The following DNAJB4 variants were observed in gnomAD, a reference collection of about 807,000 sequenced individuals.
DNAJB4 encodes dnaJ homolog subfamily B member 4.
A neutral mutation model predicts 26.6 loss-of-function variants in DNAJB4; 10 were observed. That is an observed-to-expected ratio of 0.38 (90% CI 0.23 to 0.64). The LOEUF is 0.64. DNAJB4 is among the 30% of genes least tolerant of loss of function. The pLI is 0.58. For missense variants in DNAJB4, 328 were observed against 408.2 expected (o/e 0.80, Z 1.69); for synonymous variants, 136 against 134.8 (o/e 1.01, Z -0.06).
chr1:77,984,401 C>T (rs899518441), intron 1 of DNAJB4, among the ~76,000 whole-genome samples: 1 of 152,264 alleles, frequency 6.6e-6, no homozygotes, highest in East Asian at 1.9e-4. Context: ...GCTTTTTAGC[C>T]GTACGTGGAC....
At chr1:78,012,696 C>T (rs939883521) in intron 1 of DNAJB4, among the ~76,000 whole-genome samples, 1 of 152,074 alleles carries the variant, frequency 6.6e-6, no homozygotes, top group African/African-American at 2.4e-5. Context: ...GTAATCCCAG[C>T]TACTCGGGAG....
At position 78,005,364 on chromosome 1, in the gene DNAJB4, T is replaced by C. The variant is rs768768015; in HGVS notation, c.211+43T>C. 2.2e-6 allele frequency: 3 copies of C among 1,360,062 alleles called. No homozygotes were observed. The Admixed American group carries it at 9.6e-5, about 44-fold the overall frequency. The allele number at this position is 1,360,062 out of a possible 1,614,324, so 84.2% of individuals were successfully genotyped here. A position where few individuals can be genotyped will look rare whatever the true frequency, so the allele number is the denominator to read the frequency against. ...ATCTTTCTGTCTCTTCAGCTCTGTC[T>C]CTTTTTTTTTTTTCTCTCTCTCTGC... On this transcript the variant is annotated intron_variant, in intron 1 of 2. Transcript: ENST00000370763.
chr1:78,013,512 A>C lies in DNAJB4; in HGVS notation c.673A>C (p.Asn225His). The change falls in exon 2 of 3, where the codon AAT becomes CAT. Residue 225 changes from asparagine (N) to histidine (H), a missense_variant. Coordinates refer to ENST00000370763, the MANE Select transcript of DNAJB4 (RefSeq NM_007034.5). ...TFPREGDETP[N>H]SIPADIVFII... The stretch of plus-strand genomic sequence containing the variant: ...TCCAAGAGAAGGAGATGAAACACCA[A>C]ATAGTATTCCAGCAGACATTGTTTT... 6.2e-7 allele frequency: 1 copy of C among 1,614,034 alleles called. No homozygotes were observed. The highest frequency in any genetic ancestry group is 1.3e-5 in the African/African-American group (1 of 75,064).
rs183954836 is a variant in DNAJB4 at position 77,995,454 on chromosome 1, A to G, written c.-31-9626A>G. Among the ~76,000 whole-genome samples the G allele has an allele frequency of 7.9e-5, 12 of 152,244 alleles. No individual in the cohort carries two copies. In the East Asian group the frequency reaches 2.3e-3, roughly 29 times the overall value. On this transcript the variant is annotated intron_variant, in intron 1 of 2. Coordinates refer to the DNAJB4 transcript ENST00000426517. ...CTTTTTAAAATTTTTTGGCTAATACAGTGTTTTTGGTTTTGAGACAGTCTT... is the reference window on the plus strand; with the variant it reads ...CTTTTTAAAATTTTTTGGCTAATACGGTGTTTTTGGTTTTGAGACAGTCTT...
chr1:77,980,611 T>C (rs1445378760), intron 1 of DNAJB4, among the ~76,000 whole-genome samples: 1 of 152,170 alleles, frequency 6.6e-6, no homozygotes, highest in East Asian at 1.9e-4. Context: ...TTCTCGACTT[T>C]GTGGCATTTT....
chr1:77,988,510 A>G (rs562923199), intron 1 of DNAJB4, among the ~76,000 whole-genome samples: 26 of 152,124 alleles, frequency 1.7e-4, no homozygotes, highest in Admixed American at 7.9e-4. Context: ...CAACCCCTTC[A>G]CCATCTCTAT....
intron 1 of DNAJB4, among the ~76,000 whole-genome samples, chr1:77,996,670 C>T (rs1442705142): frequency 6.6e-6 from 1 of 151,980 alleles, no homozygotes; most frequent in African/African-American, 2.4e-5. Context: ...TAAAACCAAG[C>T]CATGACACAG....
chr1:78,006,491 T>C (rs974225960), intron 1 of DNAJB4, among the ~76,000 whole-genome samples: 1 of 152,198 alleles, frequency 6.6e-6, no homozygotes, highest in Admixed American at 6.5e-5. Context: ...AAATATATCC[T>C]TAAAATATAG....
chr1:78,013,259 T>G lies in DNAJB4; in HGVS notation c.420T>G (p.Asn140Lys). 1 of 1,614,168 alleles carries G rather than the reference T, an allele frequency of 6.2e-7. No individual in the cohort carries two copies. The highest frequency in any genetic ancestry group is 1.1e-5 in the South Asian group (1 of 91,070). ...DPFSAFGFSM[N>K]GYPRDRNSVG... ...TTAGTGCCTTTGGTTTCAGCATGAA[T>G]GGATATCCAAGAGACAGGAATTCTG... Residue 140 changes from asparagine to lysine, a missense_variant, in exon 2 of 3, where the codon AAT becomes AAG. Physicochemically the swap from Asn to Lys is moderately conservative, Grantham distance 94. Transcript: ENST00000370763.
intron 1 of DNAJB4, among the ~76,000 whole-genome samples, chr1:77,982,436 C>T (rs1468016296): frequency 1.3e-5 from 2 of 152,264 alleles, no homozygotes; most frequent in East Asian, 3.9e-4. Context: ...TAAAAATAGT[C>T]TTTTCTCATG....
intron 1 of DNAJB4, 34 bp from the exon 2 acceptor site, chr1:78,013,017 G>C (rs377483642): frequency 1.2e-4 from 180 of 1,515,560 alleles, no homozygotes; most frequent in Non-Finnish European, 1.3e-4. Flanking sequence ...AGAGTTGCAA[G>C]CTTTTTTCTA....
At chr1:78,007,922 T>G (rs754476170) in intron 1 of DNAJB4, among the ~76,000 whole-genome samples, 1 of 152,154 alleles carries the variant, frequency 6.6e-6, no homozygotes, top group Non-Finnish European at 1.5e-5. Flanking sequence ...GCTGGGATGG[T>G]GGGAATAAGG....
chr1:78,015,706 C>A (rs111261181), intron 2 of DNAJB4, among the ~76,000 whole-genome samples: 6,800 of 151,786 alleles, frequency 0.045, 222 homozygotes, highest in Non-Finnish European at 0.06. Flanking sequence ...TGTGCCACCA[C>A]GCTCGCCTAA....
Position 78,013,314 on chromosome 1 carries a change from C to T in DNAJB4, c.475C>T (p.Pro159Ser). 3 of 1,614,062 alleles carry T rather than the reference C, an allele frequency of 1.9e-6. No individual in the cohort carries two copies. The highest frequency in any genetic ancestry group is 1.3e-5 in the African/African-American group (1 of 75,002). ...VGPSRLKQDP[P>S]VIHELRVSLE... Reference sequence around the variant, plus strand: ...GCCATCCCGCCTCAAACAAGATCCTCCAGTTATTCATGAACTTAGAGTATC... The same window carrying T: ...GCCATCCCGCCTCAAACAAGATCCTTCAGTTATTCATGAACTTAGAGTATC... The change falls in exon 2 of 3, where the codon CCA becomes TCA. Residue 159 changes from proline (P) to serine (S), a missense_variant. Transcript: ENST00000370763.
At position 78,005,245 on chromosome 1, in the gene DNAJB4, T is replaced by C; in HGVS notation, c.135T>C (p.Phe45=). ...KNKSPQAEEK[F]KEVAEAYEVL... Reference sequence around the variant, plus strand: ...AATCTCCTCAGGCAGAGGAAAAATTTAAAGAGGTCGCAGAAGCTTATGAAG... The same window carrying C: ...AATCTCCTCAGGCAGAGGAAAAATTCAAAGAGGTCGCAGAAGCTTATGAAG... The change falls in exon 1 of 3, where the codon TTT becomes TTC. Residue 45 remains phenylalanine (F), a synonymous_variant. Transcript: ENST00000370763. The C allele has an allele frequency of 6.2e-7, 1 of 1,613,972 alleles. No individual in the cohort carries two copies. Among genetic ancestry groups the C allele is most frequent in the East Asian group, 2.2e-5 (1 of 44,874 alleles).
rs1258041865 is a variant in DNAJB4, at chr1:78,011,178, T to A, written c.212-1873T>A. Among the ~76,000 whole-genome samples the A allele has an allele frequency of 2.6e-5, 4 of 152,166 alleles. No individual in the cohort carries two copies. In the South Asian group the frequency reaches 8.3e-4, roughly 32 times the overall value. On this transcript the variant is annotated intron_variant, in intron 1 of 2. Coordinates refer to ENST00000370763, the MANE Select transcript of DNAJB4 (RefSeq NM_007034.5). ...AAAATGTTGTTTCAAATATAATCTT[T>A]TGTGGGTTAAATATTACTTAGTGGA...
At chr1:77,992,281 C>T (rs1196082489) in intron 1 of DNAJB4, among the ~76,000 whole-genome samples, 2 of 150,276 alleles carry the variant, frequency 1.3e-5, no homozygotes, top group East Asian at 1.9e-4. Flanking sequence ...GGCGTAGTGG[C>T]GGGCACCTGT....
intron 1 of DNAJB4, chr1:77,992,756 T>G (rs1659965264): frequency 6.6e-6 from 1 of 151,652 alleles, no homozygotes. Context: ...TGAGACAGAG[T>G]CTCTGTTGCC....
chr1:78,015,956 G>A (rs1039863), intron 2 of DNAJB4, 58 bp from the exon 3 acceptor site: 1,121,870 of 1,409,408 alleles, frequency 0.8, 451,762 homozygotes, highest in Non-Finnish European at 0.83. Context: ...GGTAAAATTT[G>A]TGCTTAGATT....
Sources: gnomAD v4.1 joint callset for allele counts (sites outside exome capture counted in the v4.1 genomes callset) on GRCh38, gnomAD v4.1.1 for gene constraint, MANE v1.5 for transcripts, NCBI Gene and HGNC (gene_info 2026-07-23, HGNC 2026-07-21) for gene names.